Variants in WNT7B observed in about 807,000 individuals in gnomAD.
WNT7B encodes the protein Wnt family member 7B.
Under a neutral mutation model 38.2 loss-of-function variants are expected in WNT7B, and 19 were observed. The ratio of observed to expected loss-of-function variants is 0.50; its 90% CI spans 0.35 to 0.73. The LOEUF (loss-of-function observed/expected upper bound fraction) is 0.73, where lower values mean the gene tolerates loss of function less well. Among genes scored for constraint, WNT7B ranks in the 30% least tolerant of loss-of-function variants. WNT7B has a pLI of 0.01. For synonymous variants in WNT7B, 243 were observed against 209.3 expected (o/e 1.16, Z -1.39); for missense variants, 423 against 507.9 (o/e 0.83, Z 1.61).
chr22:45,938,706 G>A (rs897200739), intron 2 of WNT7B, among the ~76,000 whole-genome samples: 1 of 152,158 alleles, frequency 6.6e-6, no homozygotes, highest in African/African-American at 2.4e-5. Flanking sequence ...ACAGCATGCT[G>A]GGGTGACTAC....
chr22:45,929,686 T>TCA (rs1931247275), intron 3 of WNT7B, among the ~76,000 whole-genome samples: 4 of 103,644 alleles, frequency 3.9e-5, no homozygotes, highest in African/African-American at 1.9e-4. Flanking sequence ...CCCTCCATAC[T>TCA]TCCATCCACC....
At chr22:45,933,663 C>G (rs1404383870) in intron 2 of WNT7B, among the ~76,000 whole-genome samples, 1 of 152,142 alleles carries the variant, frequency 6.6e-6, no homozygotes, top group African/African-American at 2.4e-5. Context: ...TGACCTACCT[C>G]CGTGGAGTGG....
chr22:45,931,395 G>A lies in WNT7B; in HGVS notation c.299-26C>T, dbSNP rs369119593. On this transcript the variant is annotated intron_variant, in intron 2 of 3. Coordinates refer to ENST00000339464, the MANE Select transcript of WNT7B (RefSeq NM_058238.3). ...CTGCGGGGACAGACAGGTGCAGAAG[G>A]TGAGACCCCAGGCCCTGGGCCAGGT... is the stretch of plus-strand genomic sequence containing the variant. 8.6e-5 allele frequency: 135 copies of A among 1,561,506 alleles called. 1 individual carries two copies. The African/African-American group carries it at 1.7e-3, about 20-fold the overall frequency.
chr22:45,958,965 T>G (rs1008074254), intron 1 of WNT7B, among the ~76,000 whole-genome samples: 2 of 152,160 alleles, frequency 1.3e-5, no homozygotes, highest in African/African-American at 2.4e-5. Context: ...GGCTCCAGAC[T>G]GAGTCACGGG....
intron 3 of WNT7B, among the ~76,000 whole-genome samples, chr22:45,929,536 TCATCCTTCCAAC>T (rs1361820357): frequency 2.4e-4 from 28 of 118,192 alleles, no homozygotes; most frequent in Middle Eastern, 5.7e-3. Context: ...TTCCACCCAC[TCATCCTTCCAAC>T]CATCCTTCCA....
chr22:45,953,306 G>A (rs532858652), intron 1 of WNT7B, among the ~76,000 whole-genome samples: 5 of 150,396 alleles, frequency 3.3e-5, no homozygotes, highest in African/African-American at 7.4e-5. Flanking sequence ...CAGTCACCAC[G>A]TCCATGCCCC....
rs980779392 is a variant in WNT7B at position 45,939,649 on chromosome 22, TCA to T, written c.299-8282_299-8281del. Among the ~76,000 whole-genome samples, 177 of 101,286 alleles carry T rather than the reference TCA, an allele frequency of 1.7e-3. 1 individual carries two copies. Among genetic ancestry groups the T allele is most frequent in the South Asian group, 0.013 (45 of 3,392 alleles). 66.4% of individuals were successfully genotyped at this position (101,286 alleles called of 152,430 possible). Reference sequence around the variant, plus strand: ...TCTCTACAAACACACACACACACACTCACACACACACACACACACACAAAAAT... The same window carrying T: ...TCTCTACAAACACACACACACACACTCACACACACACACACACACAAAAAT... On this transcript the variant is annotated intron_variant, in intron 2 of 3. Coordinates refer to ENST00000339464, the MANE Select transcript of WNT7B (RefSeq NM_058238.3).
intron 2 of WNT7B, among the ~76,000 whole-genome samples, chr22:45,948,826 CCTTTTTT>C (rs1931857148): frequency 7.4e-6 from 1 of 136,036 alleles, no homozygotes; most frequent in East Asian, 2.1e-4. Flanking sequence ...TCCAAAGATC[CCTTTTTT>C]TTTTTTTTTT....
chr22:45,952,426 C>A (rs1325006043), intron 1 of WNT7B, among the ~76,000 whole-genome samples: 2 of 152,156 alleles, frequency 1.3e-5, no homozygotes, highest in Non-Finnish European at 2.9e-5. Flanking sequence ...GGCAGAAAAG[C>A]CCCAGGCTGG....
chr22:45,947,931 C>T (rs1931835021), intron 2 of WNT7B, among the ~76,000 whole-genome samples: 1 of 152,162 alleles, frequency 6.6e-6, no homozygotes, highest in Non-Finnish European at 1.5e-5. Flanking sequence ...CAGCCTGATC[C>T]CCAGGCGAGC....
chr22:45,947,204 G>A (rs1474966856), intron 2 of WNT7B, among the ~76,000 whole-genome samples: 2 of 152,236 alleles, frequency 1.3e-5, no homozygotes, highest in Admixed American at 6.5e-5. Flanking sequence ...AGGGATGTGG[G>A]GAACCAGGGT....
At position 45,951,480 on chromosome 22, in the gene WNT7B, A is replaced by G. The variant is rs1232559727; in HGVS notation, c.72-1334T>C. 6.6e-6 allele frequency among the ~76,000 whole-genome samples: 1 copy of G among 151,000 alleles called. No homozygotes were observed. The highest frequency in any genetic ancestry group is 2.4e-5 in the African/African-American group (1 of 41,312). On this transcript the variant is annotated intron_variant, in intron 1 of 3. Transcript: ENST00000339464. The surrounding 1 kb of genome is among the most constrained non-coding windows in gnomAD (Gnocchi z 4.8). ...ATACATTCGGTGTTGTGCAACCTCC[A>G]GCACCGTCAGGTTCCCAGATATTTC...
chr22:45,927,918 G>A (rs1320490611), intron 3 of WNT7B, among the ~76,000 whole-genome samples: 1 of 152,224 alleles, frequency 6.6e-6, no homozygotes, highest in African/African-American at 2.4e-5. Context: ...TGGAAGAGAA[G>A]ACGACTCAGG....
In WNT7B at chr22:45,975,421, G is replaced by T. The variant is rs1169720915; in HGVS notation, c.71+1263C>A. 2 of 626,806 alleles carry T rather than the reference G, an allele frequency of 3.2e-6. No homozygotes were observed. The highest frequency in any genetic ancestry group is 2.9e-5 in the East Asian group (1 of 35,058). 38.8% of individuals were successfully genotyped at this position (626,806 alleles called of 1,614,324 possible). On this transcript the variant is annotated intron_variant, in intron 1 of 3. Coordinates refer to ENST00000339464, the MANE Select transcript of WNT7B (RefSeq NM_058238.3). The surrounding 1 kb of genome is among the most constrained non-coding windows in gnomAD (Gnocchi z 6.6). Reference sequence around the variant, plus strand: ...TACCCACAGACCTATGATAAACGGGGCTACCGGCAGCCGCAGACACGCCCG... The same window carrying T: ...TACCCACAGACCTATGATAAACGGGTCTACCGGCAGCCGCAGACACGCCCG...
chr22:45,928,632 T>TATCTCCCCAGGGGCCA, intron 3 of WNT7B, among the ~76,000 whole-genome samples: 1 of 150,100 alleles, frequency 6.7e-6, no homozygotes, highest in African/African-American at 2.5e-5. Flanking sequence ...TCCCACCTCC[T>TATCTCCCCAGGGGCCA]GTCTCCATTT....
Position 45,965,482 on chromosome 22 carries a change from G to C in WNT7B, c.71+11202C>G, listed in dbSNP as rs749891664. Among the ~76,000 whole-genome samples, 2 of 152,204 alleles carry C rather than the reference G, an allele frequency of 1.3e-5. No homozygotes were observed. The highest frequency in any genetic ancestry group is 2.9e-5 in the Non-Finnish European group (2 of 68,050). The stretch of plus-strand genomic sequence containing the variant: ...TGGAGCCAGCAGGAAGGGGAGGAGG[G>C]AGGAAGAGGACCTGGGGGAGCATCC... On this transcript the variant is annotated intron_variant, in intron 1 of 3. Transcript: ENST00000339464. This position sits in a 1 kb window ranked among gnomAD's most constrained non-coding sequence, Gnocchi z 6.5.
Position 45,951,054 on chromosome 22 carries a change from G to A in WNT7B, c.72-908C>T, listed in dbSNP as rs926043975. On this transcript the variant is annotated intron_variant, in intron 1 of 3. Coordinates refer to ENST00000339464, the MANE Select transcript of WNT7B (RefSeq NM_058238.3). This position sits in a 1 kb window ranked among gnomAD's most constrained non-coding sequence, Gnocchi z 4.8. Reference sequence around the variant, plus strand: ...TCACTCTACTTCAAGTGATATCAGCGGGATTGTCATTTGTTCATTTGTTTG... The same window carrying A: ...TCACTCTACTTCAAGTGATATCAGCAGGATTGTCATTTGTTCATTTGTTTG... Among the ~76,000 whole-genome samples the A allele has an allele frequency of 2.6e-5, 4 of 152,164 alleles. No homozygotes were observed. The highest frequency in any genetic ancestry group is 3.9e-4 in the East Asian group (2 of 5,192).
chr22:45,926,060 C>T (rs1601713807), intron 3 of WNT7B: 2 of 985,458 alleles, frequency 2.0e-6, no homozygotes, highest in African/African-American at 3.5e-5. Flanking sequence ...AATCGGCTCC[C>T]GCAGGGCCAG....
intron 1 of WNT7B, among the ~76,000 whole-genome samples, chr22:45,959,334 T>C (rs1932142812): frequency 6.6e-6 from 1 of 152,064 alleles, no homozygotes; most frequent in Non-Finnish European, 1.5e-5. Context: ...CCACTTCACA[T>C]AGGGTTGAGA....
Sources: gnomAD v4.1 joint callset for allele counts (sites outside exome capture counted in the v4.1 genomes callset) on GRCh38, gnomAD v4.1.1 for gene constraint, Gnocchi (gnomAD v3.1) non-coding constraint, MANE v1.5 for transcripts, NCBI Gene and HGNC (gene_info 2026-07-23, HGNC 2026-07-21) for gene names.